UNC79: variants seen among roughly 807,000 people sequenced by gnomAD.
UNC79 encodes the protein unc-79 subunit of NALCN channel complex, also known as protein unc-79 homolog.
Under a neutral mutation model 283.1 loss-of-function variants are expected in UNC79, and 37 were observed. The ratio of observed to expected loss-of-function variants is 0.13; its 90% confidence interval spans 0.10 to 0.17. The LOEUF (loss-of-function observed/expected upper bound fraction) is 0.17. Ranked by LOEUF, UNC79 falls within the 10% of genes least tolerant of loss-of-function variation. UNC79 has a pLI of 1.00. For synonymous variants in UNC79, 1,107 were observed against 1,200.2 expected (o/e 0.92, Z 1.61); for missense variants, 2,272 against 3,211.1 (o/e 0.71, Z 7.07).
chr14:93,391,911 A>G (rs912159331), intron 1 of UNC79, among the ~76,000 whole-genome samples: 13 of 152,258 alleles, frequency 8.5e-5, no homozygotes, highest in African/African-American at 3.1e-4. Context: ...GCTGCTACAC[A>G]ATTAGCTGAA....
At chr14:93,562,809 T>A (rs2062641739) in intron 14 of UNC79, among the ~76,000 whole-genome samples, 1 of 152,142 alleles carries the variant, frequency 6.6e-6, no homozygotes, top group Non-Finnish European at 1.5e-5. Context: ...CCAGTGAAAG[T>A]GTCTACCCAG....
intron 11 of UNC79, among the ~76,000 whole-genome samples, chr14:93,537,354 C>T (rs574408264): frequency 1.3e-5 from 2 of 152,312 alleles, no homozygotes; most frequent in South Asian, 4.1e-4. Context: ...GCTGACTCTA[C>T]GAAGGGTTCT....
At chr14:93,634,602 C>T (rs775865327) in intron 31 of UNC79, 1 of 1,614,126 alleles carries the variant, frequency 6.2e-7, no homozygotes, top group Admixed American at 1.7e-5. Flanking sequence ...GAGCATCAGT[C>T]TAGCGCCCCC....
intron 16 of UNC79, among the ~76,000 whole-genome samples, chr14:93,574,743 A>G (rs1263404040): frequency 6.6e-6 from 1 of 151,670 alleles, no homozygotes; most frequent in Non-Finnish European, 1.5e-5. Flanking sequence ...GTGCTAGTCC[A>G]GGAGAAAGGT....
chr14:93,639,549 G>A (rs574412681), intron 32 of UNC79, among the ~76,000 whole-genome samples: 12 of 152,230 alleles, frequency 7.9e-5, no homozygotes, highest in South Asian at 6.2e-4. Context: ...ATACACTTAC[G>A]TATACTTAGG....
chr14:93,692,000 C>T lies in UNC79; in HGVS notation c.7470+54C>T, dbSNP rs2074731306. 20 of 1,581,708 alleles carry T rather than the reference C, an allele frequency of 1.3e-5. No individual in the cohort carries two copies. In the Middle Eastern group the frequency reaches 1.2e-3, roughly 92 times the overall value. ...AGATGGAATCTCAAAGTGTCCACAC[C>T]ACTCCTAATCCTCACACTCCCTGTT... On this transcript the variant is annotated intron_variant, in intron 46 of 48. Transcript: ENST00000555664.
chr14:93,403,931 T>A lies in UNC79; in HGVS notation c.-350-63740T>A, dbSNP rs184067257. 2.8e-3 allele frequency among the ~76,000 whole-genome samples: 418 copies of A among 151,672 alleles called. 2 individuals carry two copies. The highest frequency in any genetic ancestry group is 6.8e-3 in the Middle Eastern group (2 of 294). On this transcript the variant is annotated intron_variant, in intron 1 of 49. Coordinates refer to the UNC79 transcript ENST00000256339. ...CTCTTATATCCACTTAAATATCACC[T>A]AACAGTGTGGGCAAAAAACATTTGC...
At chr14:93,444,457 C>A (rs1044565091) in intron 1 of UNC79, among the ~76,000 whole-genome samples, 3 of 151,836 alleles carry the variant, frequency 2.0e-5, no homozygotes, top group African/African-American at 4.8e-5. Context: ...AATTTTTTTT[C>A]TTTTATCATT....
chr14:93,607,692 C>T (rs188755483), intron 26 of UNC79, among the ~76,000 whole-genome samples: 181 of 152,280 alleles, frequency 1.2e-3, no homozygotes, highest in Non-Finnish European at 1.8e-3. Context: ...TCGTGGGACT[C>T]GCGTACTCCA....
intron 14 of UNC79, among the ~76,000 whole-genome samples, chr14:93,559,203 G>A (rs887790001): frequency 3.3e-5 from 5 of 152,352 alleles, no homozygotes; most frequent in Admixed American, 1.3e-4. Flanking sequence ...GAAATTGGCA[G>A]TGAGGTGCAG....
intron 4 of UNC79, among the ~76,000 whole-genome samples, chr14:93,481,082 T>C (rs752932193): frequency 2.0e-4 from 30 of 152,170 alleles, no homozygotes; most frequent in Non-Finnish European, 3.4e-4. Flanking sequence ...ATTTCCTCCT[T>C]ACCATCCTTG....
intron 7 of UNC79, among the ~76,000 whole-genome samples, chr14:93,503,344 A>G (rs2059386292): frequency 6.6e-6 from 1 of 152,128 alleles, no homozygotes; most frequent in African/African-American, 2.4e-5. Context: ...TGGCTTTTAT[A>G]TATAATGTTC....
Position 93,448,644 on chromosome 14 carries a change from G to A in UNC79, c.22+17593G>A, listed in dbSNP as rs147067464. ...ACTTTGGGGTCTACTATTTCCCACC[G>A]ATGAGGTGTTGTTTCCTTTGCTTTA... On this transcript the variant is annotated intron_variant, in intron 1 of 48. Transcript: ENST00000555664. 5.9e-5 allele frequency among the ~76,000 whole-genome samples: 9 copies of A among 152,262 alleles called. No individual in the cohort carries two copies. In the East Asian group the frequency reaches 9.6e-4, roughly 16 times the overall value.
intron 10 of UNC79, among the ~76,000 whole-genome samples, chr14:93,529,577 A>C (rs2060709574): frequency 6.6e-6 from 1 of 152,206 alleles, no homozygotes; most frequent in Non-Finnish European, 1.5e-5. Flanking sequence ...CATACGACTA[A>C]AGCCCTGCCA....
chr14:93,623,220 G>A (rs1183238066), intron 30 of UNC79, among the ~76,000 whole-genome samples: 1 of 152,144 alleles, frequency 6.6e-6, no homozygotes, highest in Non-Finnish European at 1.5e-5. Context: ...GTACTAGTGA[G>A]CTATGATATA....
intron 4 of UNC79, among the ~76,000 whole-genome samples, chr14:93,479,531 C>G (rs1427901582): frequency 6.6e-6 from 1 of 152,074 alleles, no homozygotes; most frequent in East Asian, 1.9e-4. Flanking sequence ...CTCCTGACCT[C>G]AGGTGATCCA....
rs529190797 is a variant in UNC79 at position 93,603,616 on chromosome 14, G to A, written c.3754+198G>A. Among the ~76,000 whole-genome samples the A allele has an allele frequency of 1.2e-4, 19 of 152,268 alleles. No homozygotes were observed. In the South Asian group the frequency reaches 3.7e-3, roughly 30 times the overall value. On this transcript the variant is annotated intron_variant, in intron 26 of 48. Coordinates refer to ENST00000555664, the Ensembl canonical transcript of UNC79. Reference sequence around the variant, plus strand: ...TTGCTTTTCCTAGTTTGCTGGGGTAGCAAAGCCCTGATCCAACAGTAGATG... The same window carrying A: ...TTGCTTTTCCTAGTTTGCTGGGGTAACAAAGCCCTGATCCAACAGTAGATG...
chr14:93,534,310 G>A (rs1220037145), intron 11 of UNC79, among the ~76,000 whole-genome samples: 1 of 152,176 alleles, frequency 6.6e-6, no homozygotes, highest in Non-Finnish European at 1.5e-5. Context: ...GGTCCATGTT[G>A]CAGCTGAGTA....
Position 93,688,648 on chromosome 14 carries a change from A to G in UNC79, c.6910-17A>G. 1 of 1,608,256 alleles carries G rather than the reference A, an allele frequency of 6.2e-7. No individual in the cohort carries two copies. The highest frequency in any genetic ancestry group is 8.5e-7 in the Non-Finnish European group (1 of 1,176,476). ...CAGGTGTCTGCCAGAGTTACAAAAT[A>G]CCATTCGGTTTTGTAGAGCCACATG... On this transcript the variant is annotated splice_polypyrimidine_tract_variant and intron_variant, in intron 43 of 48. Coordinates refer to ENST00000555664, the Ensembl canonical transcript of UNC79. This position sits in a 1 kb window ranked among gnomAD's most constrained non-coding sequence, Gnocchi z 4.0.
Sources: gnomAD v4.1 joint callset for allele counts (sites outside exome capture counted in the v4.1 genomes callset) on GRCh38, gnomAD v4.1.1 for gene constraint, Gnocchi (gnomAD v3.1) non-coding constraint, MANE v1.5 for transcripts, NCBI Gene and HGNC (gene_info 2026-07-23, HGNC 2026-07-21) for gene names.